IKZF2: variants seen among roughly 807,000 people sequenced by gnomAD.
IKZF2 encodes zinc finger protein Helios.
In IKZF2, 15 loss-of-function variants were observed where a neutral mutation model predicts 49.2. The observed-to-expected ratio is 0.30, with a 90% CI of 0.20 to 0.47. The LOEUF is 0.47. Among genes scored for constraint, IKZF2 ranks in the 20% least tolerant of loss-of-function variants. The probability of loss-of-function intolerance (pLI) is 1.00; values close to 1 mark genes in which losing one functional copy is unlikely to be tolerated. For missense variants in IKZF2, 567 were observed against 664.6 expected (o/e 0.85, Z 1.61); for synonymous variants, 227 against 221.4 (o/e 1.03, Z -0.23).
chr2:213,141,948 A>G, intron 4 of IKZF2, among the ~76,000 whole-genome samples: 1 of 152,148 alleles, frequency 6.6e-6, no homozygotes, highest in East Asian at 1.9e-4. Context: ...CATCTAAACT[A>G]CTACCCCCGA....
chr2:213,018,929 G>A (rs1696899702), intron 7 of IKZF2, among the ~76,000 whole-genome samples: 1 of 152,044 alleles, frequency 6.6e-6, no homozygotes, highest in Non-Finnish European at 1.5e-5. Context: ...CTACATCTAT[G>A]TTCCCAGAGA....
intron 2 of IKZF2, 95 bp downstream of exon 2, chr2:213,150,049 G>A (rs2061227907): frequency 3.2e-5 from 18 of 560,904 alleles, no homozygotes; most frequent in South Asian, 2.7e-4. Context: ...AGGGAGAAGC[G>A]AAAGAAGGCT....
At chr2:213,143,209 A>C (rs1178762724) in intron 4 of IKZF2, among the ~76,000 whole-genome samples, 1 of 151,898 alleles carries the variant, frequency 6.6e-6, no homozygotes, top group Admixed American at 6.6e-5. Flanking sequence ...TTACAGGAAG[A>C]CTCTCAATAG....
At chr2:213,118,029 C>T (rs918273911) in intron 4 of IKZF2, among the ~76,000 whole-genome samples, 1 of 152,014 alleles carries the variant, frequency 6.6e-6, no homozygotes, top group African/African-American at 2.4e-5. Context: ...GGATACAGAA[C>T]AAAAAGGCAT....
At chr2:213,013,345 A>G (rs530435630) in intron 8 of IKZF2, among the ~76,000 whole-genome samples, 2 of 151,976 alleles carry the variant, frequency 1.3e-5, no homozygotes, top group East Asian at 3.9e-4. Flanking sequence ...AGTAGGATAT[A>G]AATAACTCCC....
intron 4 of IKZF2, among the ~76,000 whole-genome samples, chr2:213,068,783 T>C (rs1039132116): frequency 1.3e-5 from 2 of 152,058 alleles, no homozygotes; most frequent in Non-Finnish European, 2.9e-5. Context: ...CTAGTTGGTA[T>C]GTGTGCAGGA....
chr2:213,013,931 G>T lies in IKZF2; in HGVS notation c.716C>A (p.Pro239His). ...TTGTTCCTTACAATCTTCCATAGGA[G>T]GTACTATACAAAACCATAGAAAAAT... Reference protein sequence around the residue: ...AAGQVMSHHVPPMEDCKEQEP... With the variant: ...AAGQVMSHHVHPMEDCKEQEP... Residue 239 changes from proline to histidine, a missense_variant, in exon 8 of 9, where the codon CCT becomes CAT. By Grantham distance (77) the Pro-to-His change is moderately conservative. Around this residue, in one of 5 missense-constraint regions of IKZF2, gnomAD observed 310 missense variants for 326.9 expected, o/e 0.95. Transcript: ENST00000434687. The T allele has an allele frequency of 6.2e-7, 1 of 1,610,600 alleles. No homozygotes were observed.
chr2:213,066,550 G>C (rs999285284), intron 4 of IKZF2, among the ~76,000 whole-genome samples: 1 of 152,092 alleles, frequency 6.6e-6, no homozygotes, highest in Non-Finnish European at 1.5e-5. Context: ...TTGGCCCTCA[G>C]ATGCAGGATT....
intron 4 of IKZF2, among the ~76,000 whole-genome samples, chr2:213,127,974 T>C (rs1164736962): frequency 6.6e-6 from 1 of 151,962 alleles, no homozygotes; most frequent in Non-Finnish European, 1.5e-5. Flanking sequence ...AAGTATAATA[T>C]AAAAGCAAAT....
intron 4 of IKZF2, among the ~76,000 whole-genome samples, chr2:213,091,694 T>C (rs1363899624): frequency 6.6e-6 from 1 of 152,162 alleles, no homozygotes; most frequent in Non-Finnish European, 1.5e-5. Flanking sequence ...ATGAAAGATG[T>C]GGGATCAAAG....
chr2:213,077,124 G>A (rs113756679), intron 4 of IKZF2, among the ~76,000 whole-genome samples: 1 of 152,274 alleles, frequency 6.6e-6, no homozygotes, highest in African/African-American at 2.4e-5. Flanking sequence ...ATCTGGTATA[G>A]AGAAGGCTTA....
rs970285332 is a variant in IKZF2, at chr2:212,999,962, TCATA to T, written c.*7394_*7397del. On this transcript the variant is annotated 3_prime_UTR_variant, in exon 9 of 9. Transcript: ENST00000434687. ...ACACTCACACATGCATATACAACACTCATACACATATACACAGTAACCACATACA... is the reference window on the plus strand; with the variant it reads ...ACACTCACACATGCATATACAACACTCACATATACACAGTAACCACATACA... The T allele has an allele frequency of 6.6e-6, 1 of 151,872 alleles. No individual in the cohort carries two copies. Among genetic ancestry groups the T allele is most frequent in the African/African-American group, 2.4e-5 (1 of 41,332 alleles). The allele number at this position is 151,872 out of a possible 1,614,324, so 9.4% of individuals were successfully genotyped here.
intron 4 of IKZF2, among the ~76,000 whole-genome samples, chr2:213,090,167 G>A (rs550529692): frequency 6.6e-6 from 1 of 152,314 alleles, no homozygotes; most frequent in Non-Finnish European, 1.5e-5. Flanking sequence ...AGTGACAGCT[G>A]AGAGAATGGT....
chr2:213,066,334 G>A (rs1308186221), intron 4 of IKZF2, among the ~76,000 whole-genome samples: 1 of 152,012 alleles, frequency 6.6e-6, no homozygotes, highest in Non-Finnish European at 1.5e-5. Flanking sequence ...ACAGAGGGAG[G>A]GAGGAGCCAA....
intron 4 of IKZF2, among the ~76,000 whole-genome samples, chr2:213,079,557 G>C (rs1344324887): frequency 1.7e-5 from 2 of 115,062 alleles, no homozygotes; most frequent in Non-Finnish European, 3.6e-5. Flanking sequence ...GGAGAAAGGG[G>C]AGAGAGAGAG....
At chr2:213,045,424 C>A (rs1046781196) in intron 6 of IKZF2, among the ~76,000 whole-genome samples, 1 of 152,142 alleles carries the variant, frequency 6.6e-6, no homozygotes, top group East Asian at 1.9e-4. Flanking sequence ...TTTTTCCCTT[C>A]ACACTAGAGG....
chr2:213,080,179 G>GAGATAGATAGATAGATAGATAGATAGAT (rs6147162), intron 4 of IKZF2, among the ~76,000 whole-genome samples: 192 of 97,206 alleles, frequency 2.0e-3, no homozygotes, highest in Non-Finnish European at 2.7e-3. Flanking sequence ...AATCTATATA[G>GAGATAGATAGATAGATAGATAGATAGAT]AGATAGATAG....
chr2:213,126,655 T>A (rs1350154290), intron 4 of IKZF2, among the ~76,000 whole-genome samples: 1 of 152,134 alleles, frequency 6.6e-6, no homozygotes. Flanking sequence ...AAATAAAATT[T>A]TTCAAAGAAA....
intron 4 of IKZF2, among the ~76,000 whole-genome samples, chr2:213,128,179 T>C (rs560576191): frequency 1.3e-5 from 2 of 152,230 alleles, no homozygotes; most frequent in South Asian, 4.1e-4. Context: ...TAGAATGGGG[T>C]TGGTATTCAT....
Sources: gnomAD v4.1 joint callset for allele counts (sites outside exome capture counted in the v4.1 genomes callset) on GRCh38, gnomAD v4.1.1 for gene constraint, gnomAD v4.1.1 regional missense constraint, MANE v1.5 for transcripts, NCBI Gene and HGNC (gene_info 2026-07-23, HGNC 2026-07-21) for gene names.